Variants in LRFN5 observed in about 807,000 individuals in gnomAD.
LRFN5 encodes leucine-rich repeat and fibronectin type-III domain-containing protein 5.
LRFN5 carries 24 observed loss-of-function variants against 45.6 expected under a neutral mutation model. The observed-to-expected ratio is 0.53, with a 90% CI of 0.38 to 0.74. The LOEUF is 0.74. LRFN5 is among the 30% of genes least tolerant of loss of function. The pLI is 0.00. For synonymous variants in LRFN5, 340 were observed against 313.8 expected (o/e 1.08, Z -0.88); for missense variants, 776 against 861.5 (o/e 0.90, Z 1.24).
intron 2 of LRFN5, among the ~76,000 whole-genome samples, chr14:41,815,318 C>T (rs963595939): frequency 3.3e-5 from 5 of 151,942 alleles, no homozygotes; most frequent in African/African-American, 1.2e-4. Flanking sequence ...AATTAATATC[C>T]TTGGTCTGAA....
At chr14:41,641,072 T>A (rs1196015875) in intron 1 of LRFN5, among the ~76,000 whole-genome samples, 2 of 152,018 alleles carry the variant, frequency 1.3e-5, no homozygotes, top group Non-Finnish European at 2.9e-5. Flanking sequence ...TAAAAAAAAA[T>A]TCACACTCTC....
intron 2 of LRFN5, among the ~76,000 whole-genome samples, chr14:41,836,325 C>G (rs946765249): frequency 8.6e-5 from 13 of 152,038 alleles, no homozygotes; most frequent in African/African-American, 3.1e-4. Context: ...ACAATCTTAG[C>G]AAATAAAGAT....
At chr14:41,756,370 G>A (rs867606301) in intron 1 of LRFN5, among the ~76,000 whole-genome samples, 3 of 152,278 alleles carry the variant, frequency 2.0e-5, no homozygotes, top group African/African-American at 7.2e-5. Context: ...TTTCCAACTT[G>A]GTTCCATTCT....
intron 1 of LRFN5, among the ~76,000 whole-genome samples, chr14:41,638,206 A>T (rs11622897): frequency 4.6e-5 from 7 of 152,070 alleles, no homozygotes; most frequent in Non-Finnish European, 7.4e-5. Context: ...TTCTGCCATT[A>T]GTAGTGAGGA....
chr14:41,620,284 A>C (rs1192644891), intron 1 of LRFN5, among the ~76,000 whole-genome samples: 1 of 152,148 alleles, frequency 6.6e-6, no homozygotes, highest in Non-Finnish European at 1.5e-5. Flanking sequence ...GATATTTTAA[A>C]AGCAACGTCT....
intron 2 of LRFN5, among the ~76,000 whole-genome samples, chr14:41,877,664 A>C (rs1202032302): frequency 6.6e-6 from 1 of 152,040 alleles, no homozygotes; most frequent in Non-Finnish European, 1.5e-5. Context: ...GTTGAGAACA[A>C]AAATTACAGG....
rs985196120 is a variant in LRFN5, at chr14:41,608,114, G to A, written c.-645G>A. On this transcript the variant is annotated 5_prime_UTR_variant, in exon 1 of 6. Coordinates refer to ENST00000298119, the MANE Select transcript of LRFN5 (RefSeq NM_152447.5). ...GCTATGCGAGAACGCTCTCTTTGCTGCCCGCGGTCCGGTGGGCTTCGAAGC... is the reference window on the plus strand; with the variant it reads ...GCTATGCGAGAACGCTCTCTTTGCTACCCGCGGTCCGGTGGGCTTCGAAGC... The A allele has an allele frequency of 1.3e-5, 2 of 152,460 alleles. No individual in the cohort carries two copies. The highest frequency in any genetic ancestry group is 6.8e-3 in the Middle Eastern group (2 of 294). The allele number at this position is 152,460 out of a possible 1,614,324, so 9.4% of individuals were successfully genotyped here.
intron 1 of LRFN5, among the ~76,000 whole-genome samples, chr14:41,681,941 C>T (rs941067468): frequency 2.0e-5 from 3 of 151,694 alleles, no homozygotes; most frequent in Non-Finnish European, 4.4e-5. Flanking sequence ...GCCTCAGCCT[C>T]CTGAGTATCT....
intron 2 of LRFN5, among the ~76,000 whole-genome samples, chr14:41,798,858 C>T (rs1251278774): frequency 6.6e-6 from 1 of 151,848 alleles, no homozygotes; most frequent in African/African-American, 2.4e-5. Flanking sequence ...TGACTTTATT[C>T]CATATACTCA....
intron 1 of LRFN5, among the ~76,000 whole-genome samples, chr14:41,677,824 A>C (rs1254518673): frequency 6.6e-6 from 1 of 152,104 alleles, no homozygotes; most frequent in Non-Finnish European, 1.5e-5. Context: ...GAAAATATTC[A>C]AACAATGGTT....
intron 2 of LRFN5, among the ~76,000 whole-genome samples, chr14:41,884,782 G>A (rs976282040): frequency 3.9e-5 from 6 of 152,090 alleles, no homozygotes; most frequent in Non-Finnish European, 8.8e-5. Context: ...TCATAGACAA[G>A]GAATGAATCT....
In LRFN5 at chr14:41,681,096, A is replaced by T. The variant is rs188770624; in HGVS notation, c.-197+72534A>T. Among the ~76,000 whole-genome samples, 529 of 152,154 alleles carry T rather than the reference A, an allele frequency of 3.5e-3. 3 individuals are homozygous for T. Among genetic ancestry groups the T allele is most frequent in the Middle Eastern group, 6.8e-3 (2 of 294 alleles). On this transcript the variant is annotated intron_variant, in intron 1 of 5. Transcript: ENST00000298119. The stretch of plus-strand genomic sequence containing the variant: ...CAGATGAGAGGAAAGAAAAATAATT[A>T]AAAAAATGAAGCACACCTATTAGAA...
At chr14:41,751,038 G>T (rs1885111000) in intron 1 of LRFN5, among the ~76,000 whole-genome samples, 1 of 151,874 alleles carries the variant, frequency 6.6e-6, no homozygotes, top group South Asian at 2.1e-4. Flanking sequence ...TGTTCTCATT[G>T]TTCACCTCCC....
intron 1 of LRFN5, among the ~76,000 whole-genome samples, chr14:41,638,286 G>T (rs1291062256): frequency 6.6e-6 from 1 of 151,848 alleles, no homozygotes; most frequent in Non-Finnish European, 1.5e-5. Flanking sequence ...AAATGATAGA[G>T]GGTTAGAAAC....
At chr14:41,833,153 T>C (rs1223144675) in intron 2 of LRFN5, among the ~76,000 whole-genome samples, 1 of 152,208 alleles carries the variant, frequency 6.6e-6, no homozygotes, top group Non-Finnish European at 1.5e-5. Flanking sequence ...TAGAAATTTA[T>C]CCTGATAAGC....
chr14:41,854,017 C>T (rs1889365764), intron 2 of LRFN5, among the ~76,000 whole-genome samples: 1 of 152,086 alleles, frequency 6.6e-6, no homozygotes, highest in Non-Finnish European at 1.5e-5. Flanking sequence ...TTTCATTTGG[C>T]ATAAGGGGCA....
intron 2 of LRFN5, among the ~76,000 whole-genome samples, chr14:41,790,416 A>G (rs1021582586): frequency 4.0e-5 from 6 of 151,460 alleles, no homozygotes; most frequent in Admixed American, 2.6e-4. Context: ...TTTCTCTGGT[A>G]TGTTTGTTTT....
At chr14:41,690,392 A>G (rs1292537095) in intron 1 of LRFN5, among the ~76,000 whole-genome samples, 1 of 152,082 alleles carries the variant, frequency 6.6e-6, no homozygotes, top group Non-Finnish European at 1.5e-5. Flanking sequence ...CATCTCTACT[A>G]AAAATACAAA....
intron 4 of LRFN5, among the ~76,000 whole-genome samples, chr14:41,897,290 T>C (rs1172913188): frequency 6.6e-6 from 1 of 151,914 alleles, no homozygotes. Context: ...ATTGGGGATT[T>C]CATCAAATTA....
Sources: gnomAD v4.1 joint callset for allele counts (sites outside exome capture counted in the v4.1 genomes callset) on GRCh38, gnomAD v4.1.1 for gene constraint, MANE v1.5 for transcripts, NCBI Gene and HGNC (gene_info 2026-07-23, HGNC 2026-07-21) for gene names.